Variants in SCAF1 observed in about 807,000 individuals in gnomAD.
SCAF1 encodes the protein splicing factor, arginine/serine-rich 19.
A neutral mutation model predicts 91.2 loss-of-function variants in SCAF1; 28 were observed. That is an observed-to-expected ratio of 0.31 (90% CI 0.23 to 0.42). SCAF1 has a LOEUF of 0.42. Among genes scored for constraint, SCAF1 ranks in the 10% least tolerant of loss-of-function variants. SCAF1 has a pLI of 1.00. For synonymous variants in SCAF1, 1,036 were observed against 833.7 expected (o/e 1.24, Z -4.18); for missense variants, 1,893 against 1,872.1 (o/e 1.01, Z -0.21).
rs762939978 is a variant in SCAF1, at chr19:49,654,786, C to T, written c.3534C>T (p.Thr1178=). The T allele has an allele frequency of 4.3e-6, 7 of 1,612,784 alleles. No individual in the cohort carries two copies. The highest frequency in any genetic ancestry group is 2.2e-5 in the East Asian group (1 of 44,856). Reference sequence around the variant, plus strand: ...TCCCTCTGGGGGGCTGCGGTTCGACCCCCCCCACCCCCACCGGGCTGGCTG... The same window carrying T: ...TCCCTCTGGGGGGCTGCGGTTCGACTCCCCCCACCCCCACCGGGCTGGCTG... The part of the protein sequence containing the change: ...GSLPLGGCGS[T]PPTPTGLAAT... The change falls in exon 9 of 11, where the codon ACC becomes ACT. Residue 1178 remains threonine (T), a synonymous_variant. Coordinates refer to ENST00000360565, the MANE Select transcript of SCAF1 (RefSeq NM_021228.3).
Position 49,646,741 on chromosome 19 carries a change from C to T in SCAF1, c.389C>T (p.Ala130Val). 1.2e-6 allele frequency: 2 copies of T among 1,614,038 alleles called. No individual in the cohort carries two copies. The highest frequency in any genetic ancestry group is 1.7e-6 in the Non-Finnish European group (2 of 1,179,980). The part of the protein sequence containing the change: ...GESEDMLELV[A>V]EVRIGDRDPI... ...AGTGAGGACATGCTGGAGCTGGTGG[C>T]TGAGGTCCGAATCGGGGACAGAGAT... Residue 130 changes from alanine to valine, a missense_variant, in exon 6 of 11, where the codon GCT (alanine) becomes GTT (valine). By Grantham distance (64) the Ala-to-Val change is moderately conservative. Coordinates refer to ENST00000360565, the MANE Select transcript of SCAF1 (RefSeq NM_021228.3). This position sits in a 1 kb window ranked among gnomAD's most constrained non-coding sequence, Gnocchi z 5.6.
In SCAF1 at chr19:49,652,918, G is replaced by C. The variant is rs758355354; in HGVS notation, c.2529G>C (p.Glu843Asp). 1.2e-6 allele frequency: 2 copies of C among 1,613,784 alleles called. No homozygotes were observed. Among genetic ancestry groups the C allele is most frequent in the Admixed American group, 1.7e-5 (1 of 59,996 alleles). Residue 843 changes from glutamate (E) to aspartate (D), a missense_variant, in exon 7 of 11, where the codon GAG becomes GAC. Around this residue, in one of 5 missense-constraint regions of SCAF1, gnomAD observed 1,436 missense variants for 1,306.8 expected, o/e 1.10. Coordinates refer to ENST00000360565, the MANE Select transcript of SCAF1 (RefSeq NM_021228.3). ...CCAAGGTGGCGGTGCTGATCCGCGA[G>C]GGTGTCAGCAGCACCACCCCGGCCA... Reference protein sequence around the residue: ...LQSKVAVLIREGVSSTTPAKD... With the variant: ...LQSKVAVLIRDGVSSTTPAKD...
chr19:49,654,554 C>T (rs2081126359), intron 8 of SCAF1, 98 bp from the exon 9 acceptor site: 1 of 1,364,854 alleles, frequency 7.3e-7, no homozygotes, highest in East Asian at 2.3e-5. Context: ...AGCCTGTTGC[C>T]TCAGCTGTGG....
Position 49,646,778 on chromosome 19 carries a change from G to C in SCAF1, c.426G>C (p.Leu142=), listed in dbSNP as rs371140832. 3.9e-5 allele frequency: 63 copies of C among 1,613,858 alleles called. No individual in the cohort carries two copies. The South Asian group carries it at 6.5e-4, about 17-fold the overall frequency. The change falls in exon 6 of 11, where the codon CTG becomes CTC. Residue 142 remains leucine, a synonymous_variant. Transcript: ENST00000360565. This position sits in a 1 kb window ranked among gnomAD's most constrained non-coding sequence, Gnocchi z 5.6. ...TCGGGGACAGAGATCCCATCCCTCT[G>C]CCTGTGCCCAGCCTGCTGCCCCGTC... The part of the protein sequence containing the change: ...VRIGDRDPIP[L]PVPSLLPRLR...
Position 49,652,160 on chromosome 19 carries a change from G to A in SCAF1, c.1771G>A (p.Asp591Asn), listed in dbSNP as rs1409578572. ...RSTRRRSRST[D>N]RRRGGSRRSR... ...CACCCGCCGCCGCTCGCGCAGCACCGACCGCCGCCGCGGGGGCAGCCGCAG... is the reference window on the plus strand; with the variant it reads ...CACCCGCCGCCGCTCGCGCAGCACCAACCGCCGCCGCGGGGGCAGCCGCAG... Residue 591 changes from aspartate to asparagine, a missense_variant, in exon 7 of 11, where the codon GAC (aspartate) becomes AAC (asparagine). Asp to Asn is a conservative substitution (Grantham distance 23). Around this residue, in one of 5 missense-constraint regions of SCAF1, gnomAD observed 1,436 missense variants for 1,306.8 expected, o/e 1.10. Coordinates refer to ENST00000360565, the MANE Select transcript of SCAF1 (RefSeq NM_021228.3). The A allele has an allele frequency of 1.8e-6, 2 of 1,108,610 alleles. No homozygotes were observed. The highest frequency in any genetic ancestry group is 2.2e-6 in the Non-Finnish European group (2 of 906,302). The allele number at this position is 1,108,610 out of a possible 1,614,324, so 68.7% of individuals were successfully genotyped here.
At chr19:49,649,579 T>G (rs2081074061) in intron 6 of SCAF1, among the ~76,000 whole-genome samples, 1 of 152,224 alleles carries the variant, frequency 6.6e-6, no homozygotes, top group African/African-American at 2.4e-5. Flanking sequence ...CACTGCAACC[T>G]CTGCCTCCTG....
rs1194052778 is a variant in SCAF1, at chr19:49,653,326, C to A, written c.2937C>A (p.Pro979=). ...CCAAGGTTCCTAGCACCCCGCCCCC[C>A]AAGGCAGCCCCACCACCCCCTGCCC... The part of the protein sequence containing the change: ...RAAKVPSTPP[P]KAAPPPPALT... Residue 979 remains proline, a synonymous_variant, in exon 7 of 11, where the codon CCC becomes CCA. Coordinates refer to ENST00000360565, the MANE Select transcript of SCAF1 (RefSeq NM_021228.3). 1 of 1,468,354 alleles carries A rather than the reference C, an allele frequency of 6.8e-7. No individual in the cohort carries two copies. Among genetic ancestry groups the A allele is most frequent in the Admixed American group, 2.6e-5 (1 of 38,838 alleles). 91.0% of individuals were successfully genotyped at this position (1,468,354 alleles called of 1,614,324 possible).
rs774150540 is a variant in SCAF1 at position 49,654,762 on chromosome 19, C to T, written c.3510C>T (p.Leu1170=). 6 of 1,613,798 alleles carry T rather than the reference C, an allele frequency of 3.7e-6. No homozygotes were observed. In the South Asian group the frequency reaches 5.5e-5, roughly 15 times the overall value. ...CCAGCTACCTGCTTCCTGGCAGCCT[C>T]CCTCTGGGGGGCTGCGGTTCGACCC... ...GPSSYLLPGS[L]PLGGCGSTPP... Residue 1170 remains leucine (L), a synonymous_variant, in exon 9 of 11, where the codon CTC becomes CTT. Transcript: ENST00000360565.
At position 49,651,430 on chromosome 19, in the gene SCAF1, C is replaced by T. The variant is rs2081088190; in HGVS notation, c.1041C>T (p.Ala347=). The T allele has an allele frequency of 6.2e-7, 1 of 1,600,894 alleles. No homozygotes were observed. The highest frequency in any genetic ancestry group is 8.5e-7 in the Non-Finnish European group (1 of 1,174,498). Reference sequence around the variant, plus strand: ...TGGACTCCACCCGGGCTGATGGAGCCATGCGCCGGCGGGTCTTCGTGGTGG... The same window carrying T: ...TGGACTCCACCCGGGCTGATGGAGCTATGCGCCGGCGGGTCTTCGTGGTGG... The part of the protein sequence containing the change: ...PQVDSTRADG[A]MRRRVFVVGT... Residue 347 remains alanine (A), a synonymous_variant, in exon 7 of 11, where the codon GCC becomes GCT. Transcript: ENST00000360565.
At chr19:49,647,818 A>G (rs983879813) in intron 6 of SCAF1, among the ~76,000 whole-genome samples, 2 of 151,672 alleles carry the variant, frequency 1.3e-5, no homozygotes, top group African/African-American at 4.8e-5. Context: ...GTTTTAGTAG[A>G]GATGGGGTTT....
rs1341584901 is a variant in SCAF1, at chr19:49,652,067, C to T, written c.1678C>T (p.Arg560Cys). 5 of 1,218,346 alleles carry T rather than the reference C, an allele frequency of 4.1e-6. No individual in the cohort carries two copies. The highest frequency in any genetic ancestry group is 4.1e-5 in the Admixed American group (1 of 24,616). The allele number at this position is 1,218,346 out of a possible 1,614,324, so 75.5% of individuals were successfully genotyped here. A position where few individuals can be genotyped will look rare whatever the true frequency, so the allele number is the denominator to read the frequency against. ...WDSKKHRSRDRKPGSHASSSA... is the reference protein window; with the variant it reads ...WDSKKHRSRDCKPGSHASSSA... The stretch of plus-strand genomic sequence containing the variant: ...CTCCAAGAAGCACCGCTCGCGGGAC[C>T]GCAAGCCCGGCTCCCACGCCTCGTC... The change falls in exon 7 of 11, where the codon CGC becomes TGC. Residue 560 changes from arginine (R) to cysteine (C), a missense_variant. Transcript: ENST00000360565.
At position 49,654,208 on chromosome 19, in the gene SCAF1, T is replaced by A. The variant is rs1262118699; in HGVS notation, c.3317-141T>A. On this transcript the variant is annotated intron_variant, in intron 7 of 10. Transcript: ENST00000360565. ...GTTCTCTCATTGGCCAAGGCCCCCT[T>A]TTCCCAGTTCTGAGCGTGAGGCTTT... 6 of 688,928 alleles carry A rather than the reference T, an allele frequency of 8.7e-6. No homozygotes were observed. In the African/African-American group the frequency reaches 1.1e-4, roughly 12 times the overall value. The allele number at this position is 688,928 out of a possible 1,614,324, so 42.7% of individuals were successfully genotyped here.
rs866640962 is a variant in SCAF1 at position 49,652,950 on chromosome 19, C to T, written c.2561C>T (p.Ala854Val). The change falls in exon 7 of 11, where the codon GCC (alanine) becomes GTC (valine). Residue 854 changes from alanine (A) to valine (V), a missense_variant. Ala to Val is a moderately conservative substitution (Grantham distance 64). Transcript: ENST00000360565. ...AGCAGCACCACCCCGGCCAAGGATG[C>T]CGCGTCAGCCGGCCTGGGCTCCATT... Reference protein sequence around the residue: ...GVSSTTPAKDAASAGLGSIGV... With the variant: ...GVSSTTPAKDVASAGLGSIGV... 2 of 1,613,798 alleles carry T rather than the reference C, an allele frequency of 1.2e-6. No homozygotes were observed. Among genetic ancestry groups the T allele is most frequent in the Admixed American group, 3.3e-5 (2 of 60,004 alleles).
chr19:49,652,275 G>T lies in SCAF1; in HGVS notation c.1886G>T (p.Arg629Leu). The T allele has an allele frequency of 1.3e-6, 2 of 1,486,982 alleles. No homozygotes were observed. Among genetic ancestry groups the T allele is most frequent in the Non-Finnish European group, 1.8e-6 (2 of 1,122,772 alleles). The allele number at this position is 1,486,982 out of a possible 1,614,324, so 92.1% of individuals were successfully genotyped here. Residue 629 changes from arginine to leucine, a missense_variant, in exon 7 of 11, where the codon CGG (arginine) becomes CTG (leucine). Coordinates refer to ENST00000360565, the MANE Select transcript of SCAF1 (RefSeq NM_021228.3). Reference sequence around the variant, plus strand: ...TCATCGTCGTCCTCGAGGCGCGAGCGGCACCGCGGGAAACACCGGGACGGT... The same window carrying T: ...TCATCGTCGTCCTCGAGGCGCGAGCTGCACCGCGGGAAACACCGGGACGGT... ...TSSSSSSRRERHRGKHRDGGG... is the reference protein window; with the variant it reads ...TSSSSSSRRELHRGKHRDGGG...
rs1236052051 is a variant in SCAF1 at position 49,651,175 on chromosome 19, G to C, written c.786G>C (p.Ala262=). 6.2e-7 allele frequency: 1 copy of C among 1,613,110 alleles called. No individual in the cohort carries two copies. Among genetic ancestry groups the C allele is most frequent in the Non-Finnish European group, 8.5e-7 (1 of 1,179,808 alleles). The part of the protein sequence containing the change: ...EPTGSNPSSS[A]GTPSPEEEEE... ...CCGGCTCCAACCCCAGCTCATCAGC[G>C]GGGACCCCCTCACCTGAGGAGGAAG... Residue 262 remains alanine (A), a synonymous_variant, in exon 7 of 11, where the codon GCG becomes GCC. Transcript: ENST00000360565.
At chr19:49,640,863 G>C (rs1175855411), upstream of SCAF1, among the ~76,000 whole-genome samples, 2 of 152,198 alleles carry the variant, frequency 1.3e-5, no homozygotes, top group Non-Finnish European at 2.9e-5. Context: ...CCTGGGGCCA[G>C]GATTTCTGGG....
chr19:49,644,756 A>G (rs539184779), intron 1 of SCAF1: 8 of 317,866 alleles, frequency 2.5e-5, no homozygotes, highest in Non-Finnish European at 3.5e-5. Flanking sequence ...TTAAAAGCGG[A>G]GGCCAGGGAG....
Position 49,654,446 on chromosome 19 carries a change from G to T in SCAF1, c.3399+15G>T. 1 of 1,610,222 alleles carries T rather than the reference G, an allele frequency of 6.2e-7. No individual in the cohort carries two copies. The highest frequency in any genetic ancestry group is 1.1e-5 in the South Asian group (1 of 90,860). On this transcript the variant is annotated intron_variant, in intron 8 of 10. Coordinates refer to ENST00000360565, the MANE Select transcript of SCAF1 (RefSeq NM_021228.3). ...CCACCAACCAGGTGGGCTCCCCTGG[G>T]GGAGAGTCCCTGCCGCCCCTTCTTT...
chr19:49,640,603 T>C (rs910748256), upstream of SCAF1, among the ~76,000 whole-genome samples: 1 of 152,174 alleles, frequency 6.6e-6, no homozygotes, highest in Non-Finnish European at 1.5e-5. Flanking sequence ...GAGGAGTAGC[T>C]CCACCTCCCT....
Sources: allele counts gnomAD v4.1 joint callset (sites outside exome capture counted in the v4.1 genomes callset), GRCh38; gene constraint gnomAD v4.1.1; regional missense constraint gnomAD v4.1.1; non-coding constraint Gnocchi (gnomAD v3.1); transcripts MANE v1.5; gene names NCBI Gene and HGNC (gene_info 2026-07-23, HGNC 2026-07-21).